Variants in TNFSF4 observed in about 807,000 individuals in gnomAD.
TNFSF4 encodes TNF superfamily member 4.
A neutral mutation model predicts 7.3 loss-of-function variants in TNFSF4; 4 were observed. The ratio of observed to expected loss-of-function variants is 0.55; its 90% CI spans 0.27 to 1.25. The LOEUF (loss-of-function observed/expected upper bound fraction) is 1.25. Ranked by LOEUF, TNFSF4 falls within the 50% of genes most tolerant of loss-of-function variation. TNFSF4 has a pLI of 0.12. For synonymous variants in TNFSF4, 76 were observed against 83.7 expected (o/e 0.91, Z 0.50); for missense variants, 181 against 208.8 (o/e 0.87, Z 0.82).
chr1:173,307,185 C>A, the TNFSF4 span, among the ~76,000 whole-genome samples: 1 of 151,444 alleles, frequency 6.6e-6, no homozygotes. Context: ...AGAAATTGCT[C>A]ACAATAAAAA....
chr1:173,409,951 T>G, the TNFSF4 span, among the ~76,000 whole-genome samples: 1 of 152,200 alleles, frequency 6.6e-6, no homozygotes, highest in South Asian at 2.1e-4. Flanking sequence ...CATATTATAC[T>G]TCAATAAAAC....
At chr1:173,293,512 A>G in the TNFSF4 span, among the ~76,000 whole-genome samples, 14 of 152,110 alleles carry the variant, frequency 9.2e-5, no homozygotes, top group African/African-American at 2.9e-4. Context: ...AACTCTAAAA[A>G]TCCTAGAAGA....
the TNFSF4 span, among the ~76,000 whole-genome samples, chr1:173,433,685 A>T: frequency 6.6e-6 from 1 of 152,208 alleles, no homozygotes; most frequent in African/African-American, 2.4e-5. Context: ...CCTGGGCAAC[A>T]AAGTGAGACT....
the TNFSF4 span, among the ~76,000 whole-genome samples, chr1:173,449,837 C>T: frequency 6.6e-6 from 1 of 152,050 alleles, no homozygotes; most frequent in Non-Finnish European, 1.5e-5. Flanking sequence ...AAAAGAACAA[C>T]ATCTCAAATC....
chr1:173,246,305 T>C, the TNFSF4 span, among the ~76,000 whole-genome samples: 1 of 152,282 alleles, frequency 6.6e-6, no homozygotes, highest in South Asian at 2.1e-4. Context: ...CTCCATCCCC[T>C]TGCCCCCAAC....
downstream of TNFSF4, among the ~76,000 whole-genome samples, chr1:173,181,238 C>T (rs1450181072): frequency 1.3e-5 from 2 of 152,146 alleles, no homozygotes; most frequent in Non-Finnish European, 2.9e-5. Context: ...GCTAATATTT[C>T]TACAACTTTG....
At chr1:173,346,428 C>T in the TNFSF4 span, among the ~76,000 whole-genome samples, 1 of 152,026 alleles carries the variant, frequency 6.6e-6, no homozygotes, top group Non-Finnish European at 1.5e-5. Flanking sequence ...TAAAATAAAC[C>T]CACTGAAGGA....
chr1:173,225,949 A>C, the TNFSF4 span, among the ~76,000 whole-genome samples: 4 of 152,202 alleles, frequency 2.6e-5, no homozygotes, highest in East Asian at 1.9e-4. Flanking sequence ...CAGGCTATTA[A>C]GCACCTCATA....
chr1:173,226,304 C>T, the TNFSF4 span, among the ~76,000 whole-genome samples: 2 of 152,278 alleles, frequency 1.3e-5, no homozygotes, highest in South Asian at 4.1e-4. Flanking sequence ...TTATATCTCT[C>T]CAGTGGAATG....
At chr1:173,217,160 T>TA in the TNFSF4 span, among the ~76,000 whole-genome samples, 21 of 152,222 alleles carry the variant, frequency 1.4e-4, no homozygotes, top group Non-Finnish European at 2.5e-4. Context: ...TGCATGTATG[T>TA]GCTTGTCTCC....
the TNFSF4 span, among the ~76,000 whole-genome samples, chr1:173,237,609 A>G: frequency 4.6e-5 from 7 of 152,216 alleles, no homozygotes; most frequent in African/African-American, 1.4e-4. Context: ...CTTATACACT[A>G]ATAGCATCCA....
At chr1:173,249,947 TA>T in the TNFSF4 span, among the ~76,000 whole-genome samples, 14 of 152,292 alleles carry the variant, frequency 9.2e-5, no homozygotes, top group East Asian at 2.7e-3. Flanking sequence ...TAATATGTTC[TA>T]TTTCCCCCCA....
chr1:173,431,743 G>A, the TNFSF4 span, among the ~76,000 whole-genome samples: 1 of 152,208 alleles, frequency 6.6e-6, no homozygotes, highest in East Asian at 1.9e-4. Flanking sequence ...TGCATGTTCA[G>A]GACTGCAACC....
chr1:173,200,270 G>T (rs1649887526), intron 1 of TNFSF4, among the ~76,000 whole-genome samples: 1 of 152,198 alleles, frequency 6.6e-6, no homozygotes, highest in South Asian at 2.1e-4. Flanking sequence ...TGCAAACCTA[G>T]TCAAGTCTCT....
chr1:173,391,403 TC>T, the TNFSF4 span, among the ~76,000 whole-genome samples: 3 of 137,640 alleles, frequency 2.2e-5, no homozygotes, highest in Non-Finnish European at 4.6e-5. Context: ...TGTATGGCTT[TC>T]CCATTAGCAT....
At chr1:173,407,559 CAAAAAAA>C in the TNFSF4 span, among the ~76,000 whole-genome samples, 3 of 72,066 alleles carry the variant, frequency 4.2e-5, no homozygotes, top group African/African-American at 1.1e-4. Flanking sequence ...GACTCTGCCT[CAAAAAAA>C]AAAAAAAAAA....
the TNFSF4 span, among the ~76,000 whole-genome samples, chr1:173,256,822 A>G: frequency 6.6e-6 from 1 of 152,040 alleles, no homozygotes; most frequent in African/African-American, 2.4e-5. Flanking sequence ...TCTATCTTTA[A>G]CCTCTTACTT....
chr1:173,297,466 C>A, the TNFSF4 span, among the ~76,000 whole-genome samples: 1 of 151,948 alleles, frequency 6.6e-6, no homozygotes, highest in Admixed American at 6.6e-5. Context: ...GCCCATAAAT[C>A]CTGAAGTAAC....
the TNFSF4 span, among the ~76,000 whole-genome samples, chr1:173,364,379 GTGTA>G: frequency 1.0e-3 from 111 of 109,020 alleles, no homozygotes; most frequent in African/African-American, 2.6e-3. Context: ...TGGGGTGTAT[GTGTA>G]TATATATATA....
Sources: allele counts gnomAD v4.1 joint callset (sites outside exome capture counted in the v4.1 genomes callset), GRCh38; gene constraint gnomAD v4.1.1; transcripts MANE v1.5; gene names NCBI Gene and HGNC (gene_info 2026-07-23, HGNC 2026-07-21).